Variants in HIVEP3 observed in about 807,000 individuals in gnomAD.
The protein encoded by HIVEP3 is HIVEP zinc finger 3.
Under a neutral mutation model 152.8 loss-of-function variants are expected in HIVEP3, and 49 were observed. The ratio of observed to expected loss-of-function variants is 0.32; its 90% CI spans 0.26 to 0.41. HIVEP3 has a LOEUF of 0.41. Ranked by LOEUF, HIVEP3 falls within the 10% of genes least tolerant of loss-of-function variation. HIVEP3 has a pLI of 1.00. For missense variants in HIVEP3, 2,790 were observed against 3,103.3 expected, an observed-to-expected ratio of 0.90 and a Z score of 2.40; for synonymous variants, 1,269 against 1,289.0, an observed-to-expected ratio of 0.98 and a Z score of 0.33.
At chr1:41,936,037 T>C (rs1271020794) in intron 1 of HIVEP3, among the ~76,000 whole-genome samples, 1 of 151,954 alleles carries the variant, frequency 6.6e-6, no homozygotes, top group East Asian at 1.9e-4. Flanking sequence ...GGAAAGACAG[T>C]AACAAGCAAT....
chr1:41,605,141 G>A, intron 3 of HIVEP3, among the ~76,000 whole-genome samples: 1 of 133,648 alleles, frequency 7.5e-6, no homozygotes, highest in African/African-American at 2.7e-5. Context: ...GGAAGGGAAG[G>A]GAAGGGAAGC....
chr1:41,739,375 C>T (rs538918126), intron 1 of HIVEP3, among the ~76,000 whole-genome samples: 1 of 152,198 alleles, frequency 6.6e-6, no homozygotes, highest in Non-Finnish European at 1.5e-5. Flanking sequence ...GCCTAACTTG[C>T]CAGAGAGGGA....
intron 1 of HIVEP3, among the ~76,000 whole-genome samples, chr1:41,871,342 C>A (rs987193822): frequency 6.6e-6 from 1 of 151,496 alleles, no homozygotes; most frequent in African/African-American, 2.4e-5. Context: ...AGCACAATGA[C>A]GAACATGCAT....
At chr1:41,754,310 C>A (rs1242136971) in intron 1 of HIVEP3, among the ~76,000 whole-genome samples, 1 of 152,084 alleles carries the variant, frequency 6.6e-6, no homozygotes, top group African/African-American at 2.4e-5. Context: ...CCTCTGGCTT[C>A]TGGGTGGTGA....
chr1:42,027,400 T>C (rs1382452110), intron 1 of HIVEP3, among the ~76,000 whole-genome samples: 1 of 152,192 alleles, frequency 6.6e-6, no homozygotes, highest in Non-Finnish European at 1.5e-5. Flanking sequence ...AGAATTTATT[T>C]CTAAGACAGA....
intron 1 of HIVEP3, among the ~76,000 whole-genome samples, chr1:41,926,106 T>C (rs1160333381): frequency 1.3e-5 from 2 of 152,146 alleles, no homozygotes; most frequent in African/African-American, 2.4e-5. Context: ...TTTCACCCTA[T>C]ACTGTTTATT....
At chr1:41,786,060 A>G (rs1345897606) in intron 1 of HIVEP3, among the ~76,000 whole-genome samples, 1 of 152,210 alleles carries the variant, frequency 6.6e-6, no homozygotes, top group Admixed American at 6.5e-5. Context: ...TAGTGAGGGA[A>G]AAAAAGACAG....
chr1:41,984,508 T>C (rs1323155529), intron 1 of HIVEP3, among the ~76,000 whole-genome samples: 2 of 152,146 alleles, frequency 1.3e-5, no homozygotes, highest in Middle Eastern at 3.4e-3. Flanking sequence ...GCACAACAAA[T>C]ATCCAGACGT....
chr1:41,670,399 C>A (rs2124068699), intron 2 of HIVEP3, among the ~76,000 whole-genome samples: 1 of 152,278 alleles, frequency 6.6e-6, no homozygotes, highest in Admixed American at 6.5e-5. Flanking sequence ...CAGGATGCTG[C>A]CCTGAGCCCA....
chr1:41,981,860 T>A (rs1645295883), intron 1 of HIVEP3, among the ~76,000 whole-genome samples: 1 of 152,180 alleles, frequency 6.6e-6, no homozygotes, highest in South Asian at 2.1e-4. Flanking sequence ...TTCAGTCTCG[T>A]GGCAAGTTCA....
chr1:41,898,316 C>T (rs1644566842), intron 1 of HIVEP3, among the ~76,000 whole-genome samples: 3 of 152,174 alleles, frequency 2.0e-5, no homozygotes, highest in Non-Finnish European at 4.4e-5. Flanking sequence ...CCCTTGCTTC[C>T]TGGCAGTCTC....
Position 41,628,752 on chromosome 1 carries a change from T to C in HIVEP3, c.-525A>G. 1 of 1,232,178 alleles carries C rather than the reference T, an allele frequency of 8.1e-7. No individual in the cohort carries two copies. Among genetic ancestry groups the C allele is most frequent in the Non-Finnish European group, 1.0e-6 (1 of 987,984 alleles). The allele number at this position is 1,232,178 out of a possible 1,614,324, so 76.3% of individuals were successfully genotyped here. A position where few individuals can be genotyped will look rare whatever the true frequency, so the allele number is the denominator to read the frequency against. On this transcript the variant is annotated 5_prime_UTR_variant, in exon 3 of 9. Coordinates refer to ENST00000372583, the MANE Select transcript of HIVEP3 (RefSeq NM_024503.5). ...AGCAACAGCCCCCATTTCCTACCTGTGCTGAAGGCACCACTTCCGATGACC... is the reference window on the plus strand; with the variant it reads ...AGCAACAGCCCCCATTTCCTACCTGCGCTGAAGGCACCACTTCCGATGACC...
chr1:41,689,033 A>T (rs574273652), intron 2 of HIVEP3, among the ~76,000 whole-genome samples: 1 of 152,336 alleles, frequency 6.6e-6, no homozygotes, highest in Non-Finnish European at 1.5e-5. Flanking sequence ...TCTAAAAAAA[A>T]TCTTTTTGGG....
intron 1 of HIVEP3, among the ~76,000 whole-genome samples, chr1:41,766,524 C>A (rs186394964): frequency 6.6e-6 from 1 of 151,740 alleles, no homozygotes; most frequent in African/African-American, 2.4e-5. Flanking sequence ...CTCACCACCA[C>A]GGTATGAGAC....
At chr1:41,765,905 G>C (rs1163584701) in intron 1 of HIVEP3, among the ~76,000 whole-genome samples, 2 of 152,228 alleles carry the variant, frequency 1.3e-5, no homozygotes, top group South Asian at 4.1e-4. Flanking sequence ...ACCCCTGTCT[G>C]GGGTGTGCCT....
intron 1 of HIVEP3, among the ~76,000 whole-genome samples, chr1:42,034,665 G>C (rs1645631052): frequency 6.6e-6 from 1 of 152,154 alleles, no homozygotes; most frequent in Non-Finnish European, 1.5e-5. Context: ...AGCCCTACTG[G>C]GAAGATAGGG....
intron 1 of HIVEP3, among the ~76,000 whole-genome samples, chr1:41,941,037 G>GT (rs1645043309): frequency 6.6e-6 from 1 of 152,192 alleles, no homozygotes; most frequent in African/African-American, 2.4e-5. Flanking sequence ...TTTGCTGAAA[G>GT]TATCTATTGG....
At chr1:41,772,966 T>C (rs1648473487) in intron 1 of HIVEP3, among the ~76,000 whole-genome samples, 1 of 152,200 alleles carries the variant, frequency 6.6e-6, no homozygotes, top group Non-Finnish European at 1.5e-5. Flanking sequence ...TACCAGGCAC[T>C]GTTCTGAACA....
At chr1:42,027,498 AG>A (rs1352475466) in intron 1 of HIVEP3, among the ~76,000 whole-genome samples, 1 of 152,174 alleles carries the variant, frequency 6.6e-6, no homozygotes, top group African/African-American at 2.4e-5. Context: ...TATAACTGTG[AG>A]GCCCTGCATT....
Sources: allele counts gnomAD v4.1 joint callset (sites outside exome capture counted in the v4.1 genomes callset), GRCh38; gene constraint gnomAD v4.1.1; transcripts MANE v1.5; gene names NCBI Gene and HGNC (gene_info 2026-07-23, HGNC 2026-07-21).